The following AEBP2 variants were observed in gnomAD, a reference collection of about 807,000 sequenced individuals.
AEBP2 encodes zinc finger protein AEBP2.
In AEBP2, 10 loss-of-function variants were observed where a neutral mutation model predicts 50.8. That is an observed-to-expected ratio of 0.20 (90% CI 0.12 to 0.33). The LOEUF is 0.33. Among genes scored for constraint, AEBP2 ranks in the 10% least tolerant of loss-of-function variants. The probability of loss-of-function intolerance (pLI) is 1.00; values close to 1 mark genes in which losing one functional copy is unlikely to be tolerated. For missense variants in AEBP2, 570 were observed against 688.0 expected (o/e 0.83, Z 1.92); for synonymous variants, 296 against 261.3 (o/e 1.13, Z -1.28).
intron 1 of AEBP2, among the ~76,000 whole-genome samples, chr12:19,432,761 T>C (rs2095752074): frequency 6.6e-6 from 1 of 151,966 alleles, no homozygotes; most frequent in Non-Finnish European, 1.5e-5. Context: ...GTACCTAGAA[T>C]AGCAGAGCAG....
At chr12:19,406,087 T>G (rs2153362679) in intron 1 of AEBP2, among the ~76,000 whole-genome samples, 1 of 151,684 alleles carries the variant, frequency 6.6e-6, no homozygotes, top group African/African-American at 2.4e-5. Flanking sequence ...TGCTTTAGCC[T>G]CCCAAGTAGC....
chr12:19,462,196 G>T (rs925026955), intron 1 of AEBP2, among the ~76,000 whole-genome samples: 3 of 152,142 alleles, frequency 2.0e-5, no homozygotes, highest in African/African-American at 7.2e-5. Context: ...GATGAGATGT[G>T]ATAAGCTGTG....
At chr12:19,420,186 G>A (rs1203425610) in intron 1 of AEBP2, among the ~76,000 whole-genome samples, 1 of 151,204 alleles carries the variant, frequency 6.6e-6, no homozygotes, top group Non-Finnish European at 1.5e-5. Context: ...ACCTTGATTG[G>A]CTAATTTTTT....
intron 3 of AEBP2, among the ~76,000 whole-genome samples, chr12:19,477,448 C>T (rs181657489): frequency 5.9e-5 from 9 of 152,086 alleles, no homozygotes; most frequent in Non-Finnish European, 8.8e-5. Flanking sequence ...TTGTTTATTA[C>T]GTTAAGGTAT....
intron 1 of AEBP2, among the ~76,000 whole-genome samples, chr12:19,420,876 C>G (rs940666169): frequency 6.6e-6 from 1 of 152,094 alleles, no homozygotes; most frequent in African/African-American, 2.4e-5. Flanking sequence ...CAAGCAGCCT[C>G]CCATGTCAAG....
At chr12:19,457,530 T>C in intron 1 of AEBP2, 1 of 1,484,412 alleles carries the variant, frequency 6.7e-7, no homozygotes, top group Non-Finnish European at 9.0e-7. Context: ...CTCAATTTTT[T>C]CAATGGTTCT....
intron 4 of AEBP2, among the ~76,000 whole-genome samples, chr12:19,498,271 T>C (rs1295283865): frequency 6.6e-6 from 1 of 152,184 alleles, no homozygotes; most frequent in Admixed American, 6.5e-5. Context: ...AGGAAAGTGA[T>C]GTATTTCTCA....
Position 19,462,731 on chromosome 12 carries a change from T to C in AEBP2, c.879+14T>C, listed in dbSNP as rs771529574. On this transcript the variant is annotated intron_variant, in intron 2 of 7. Transcript: ENST00000266508. Reference sequence around the variant, plus strand: ...CAGCGAGGAGGGGTTGGTTTTGTCATTTCTTTTTTTCGCTCCCTGTTTTCG... The same window carrying C: ...CAGCGAGGAGGGGTTGGTTTTGTCACTTCTTTTTTTCGCTCCCTGTTTTCG... The C allele has an allele frequency of 1.2e-5, 19 of 1,569,612 alleles. No homozygotes were observed. In the Admixed American group the frequency reaches 3.2e-4, roughly 26 times the overall value.
intron 1 of AEBP2, among the ~76,000 whole-genome samples, chr12:19,427,592 A>T (rs952062074): frequency 1.3e-4 from 20 of 150,914 alleles, no homozygotes; most frequent in African/African-American, 4.4e-4. Context: ...CTGGACTTCT[A>T]TGAGCGAATT....
chr12:19,489,393 G>T (rs928052338), intron 3 of AEBP2, among the ~76,000 whole-genome samples: 5 of 152,098 alleles, frequency 3.3e-5, no homozygotes, highest in Non-Finnish European at 7.4e-5. Context: ...ACTATGACAA[G>T]AACAGCATCG....
At position 19,520,092 on chromosome 12, in the gene AEBP2, G is replaced by A. The variant is rs904435524; in HGVS notation, c.*1975G>A. The A allele has an allele frequency of 6.6e-6, 1 of 152,528 alleles. No individual in the cohort carries two copies. Among genetic ancestry groups the A allele is most frequent in the Non-Finnish European group, 1.5e-5 (1 of 67,976 alleles). The allele number at this position is 152,528 out of a possible 1,614,324, so 9.4% of individuals were successfully genotyped here. A position where few individuals can be genotyped will look rare whatever the true frequency, so the allele number is the denominator to read the frequency against. ...TGATTTGTTATAAAATTGCCAAATA[G>A]AAGTGTTTCAGATACATAGTTTGTA... On this transcript the variant is annotated 3_prime_UTR_variant, in exon 8 of 8. Transcript: ENST00000266508.
intron 1 of AEBP2, among the ~76,000 whole-genome samples, chr12:19,451,768 C>G (rs549091309): frequency 6.6e-6 from 1 of 151,854 alleles, no homozygotes; most frequent in South Asian, 2.1e-4. Flanking sequence ...CAGGCACAGT[C>G]ATGGCATACT....
chr12:19,464,095 T>A (rs1309070898), intron 2 of AEBP2, among the ~76,000 whole-genome samples: 2 of 152,246 alleles, frequency 1.3e-5, no homozygotes, highest in African/African-American at 4.8e-5. Context: ...ATATGTATGA[T>A]GTCTGAGTAA....
Position 19,521,666 on chromosome 12 carries a change from A to G in AEBP2, c.*3549A>G, listed in dbSNP as rs1237418789. On this transcript the variant is annotated 3_prime_UTR_variant, in exon 8 of 8. Transcript: ENST00000266508. ...AAGATTTGTTTTACTAATTGAAAAC[A>G]GTATGTCAGTAAATCTTTGGCCTTA... 1 of 152,172 alleles carries G rather than the reference A, an allele frequency of 6.6e-6. No individual in the cohort carries two copies. Among genetic ancestry groups the G allele is most frequent in the Non-Finnish European group, 1.5e-5 (1 of 68,000 alleles). The allele number at this position is 152,172 out of a possible 1,614,324, so 9.4% of individuals were successfully genotyped here. A position where few individuals can be genotyped will look rare whatever the true frequency, so the allele number is the denominator to read the frequency against.
intron 5 of AEBP2, among the ~76,000 whole-genome samples, chr12:19,504,459 C>G (rs1010991407): frequency 6.6e-6 from 1 of 151,686 alleles, no homozygotes; most frequent in African/African-American, 2.4e-5. Flanking sequence ...CAAGGATGCT[C>G]TCGATCTCCT....
intron 4 of AEBP2, among the ~76,000 whole-genome samples, chr12:19,497,337 T>TTTTG (rs1949000654): frequency 7.1e-6 from 1 of 141,784 alleles, no homozygotes; most frequent in African/African-American, 2.6e-5. Context: ...TGTTTTTTTT[T>TTTTG]TTTTTTTTTT....
At chr12:19,487,451 T>A (rs1187450769) in intron 3 of AEBP2, among the ~76,000 whole-genome samples, 1 of 152,112 alleles carries the variant, frequency 6.6e-6, no homozygotes, top group African/African-American at 2.4e-5. Flanking sequence ...GGTGCAGTGG[T>A]TCACACCTGT....
intron 5 of AEBP2, among the ~76,000 whole-genome samples, chr12:19,508,139 T>C (rs11044630): frequency 0.058 from 8,781 of 152,224 alleles, 585 homozygotes; most frequent in East Asian, 0.18. Flanking sequence ...CAGACCTGTG[T>C]TTGGGCTTTT....
At chr12:19,506,686 G>A (rs1430342775) in intron 5 of AEBP2, among the ~76,000 whole-genome samples, 1 of 152,074 alleles carries the variant, frequency 6.6e-6, no homozygotes, top group African/African-American at 2.4e-5. Context: ...TTTCTGTGTT[G>A]AGAACAAATT....
Sources: allele counts gnomAD v4.1 joint callset (sites outside exome capture counted in the v4.1 genomes callset), GRCh38; gene constraint gnomAD v4.1.1; transcripts MANE v1.5; gene names NCBI Gene and HGNC (gene_info 2026-07-23, HGNC 2026-07-21).